GXYLT2: variants seen among roughly 807,000 people sequenced by gnomAD.
GXYLT2 encodes glycosyltransferase 8 domain containing 4.
A neutral mutation model predicts 45.8 loss-of-function variants in GXYLT2; 53 were observed. The observed-to-expected ratio is 1.16, with a 90% CI of 0.93 to 1.46. The LOEUF is 1.46. Among genes scored for constraint, GXYLT2 ranks in the 40% most tolerant of loss-of-function variants. The pLI is 0.00. For synonymous variants in GXYLT2, 219 were observed against 214.2 expected (o/e 1.02, Z -0.19); for missense variants, 551 against 544.4 (o/e 1.01, Z -0.12).
chr3:72,909,687 A>G (rs1407664354), intron 2 of GXYLT2, among the ~76,000 whole-genome samples: 4 of 152,154 alleles, frequency 2.6e-5, no homozygotes. Flanking sequence ...CCAGTACACA[A>G]AAAGAGCTTT....
At chr3:72,888,962 C>T (rs1354322047) in intron 1 of GXYLT2, among the ~76,000 whole-genome samples, 1 of 152,080 alleles carries the variant, frequency 6.6e-6, no homozygotes, top group Non-Finnish European at 1.5e-5. Context: ...CTCGAGTACC[C>T]CCATGCTTAG....
chr3:72,900,642 T>C (rs13093328), intron 1 of GXYLT2, among the ~76,000 whole-genome samples: 43,921 of 151,360 alleles, frequency 0.29, 6,753 homozygotes, highest in Non-Finnish European at 0.34. Context: ...GGTCTCAAAC[T>C]CCTGACCTCA....
intron 2 of GXYLT2, among the ~76,000 whole-genome samples, chr3:72,912,658 G>A (rs1161223501): frequency 6.6e-6 from 1 of 152,204 alleles, no homozygotes; most frequent in East Asian, 1.9e-4. Flanking sequence ...GCCTGCCCCT[G>A]AAAAGAACTG....
chr3:72,947,407 G>A (rs1453185157), intron 3 of GXYLT2, among the ~76,000 whole-genome samples: 1 of 152,150 alleles, frequency 6.6e-6, no homozygotes, highest in African/African-American at 2.4e-5. Flanking sequence ...GCTACGCGGT[G>A]GAGGAACACT....
intron 5 of GXYLT2, among the ~76,000 whole-genome samples, chr3:72,964,701 G>T (rs1474257654): frequency 1.3e-5 from 2 of 152,200 alleles, no homozygotes; most frequent in Non-Finnish European, 1.5e-5. Context: ...CTCCATGAAA[G>T]CAGGGACTGG....
At chr3:72,931,670 G>A (rs1202579557) in intron 3 of GXYLT2, among the ~76,000 whole-genome samples, 1 of 151,978 alleles carries the variant, frequency 6.6e-6, no homozygotes, top group Non-Finnish European at 1.5e-5. Flanking sequence ...ATAAACTTCA[G>A]CAGTACAAAT....
intron 5 of GXYLT2, among the ~76,000 whole-genome samples, chr3:72,961,707 C>T (rs981161844): frequency 1.3e-5 from 2 of 150,732 alleles, no homozygotes; most frequent in Admixed American, 1.3e-4. Flanking sequence ...AGCCCAGCTG[C>T]GACTGAATTC....
chr3:72,943,084 T>C (rs1187876642), intron 3 of GXYLT2, among the ~76,000 whole-genome samples: 1 of 152,144 alleles, frequency 6.6e-6, no homozygotes, highest in East Asian at 1.9e-4. Flanking sequence ...CCAGACACAG[T>C]GGGTGAAAAT....
chr3:72,894,521 A>C (rs1250120848), intron 1 of GXYLT2, among the ~76,000 whole-genome samples: 1 of 152,248 alleles, frequency 6.6e-6, no homozygotes, highest in East Asian at 1.9e-4. Context: ...ATCAGAGACT[A>C]TATGGTAAAT....
intron 3 of GXYLT2, among the ~76,000 whole-genome samples, chr3:72,938,248 G>A (rs1233998018): frequency 6.6e-6 from 1 of 152,172 alleles, no homozygotes; most frequent in Non-Finnish European, 1.5e-5. Context: ...TGGATAGGGG[G>A]ATGGACAATG....
intron 6 of GXYLT2, 75 bp downstream of exon 6, chr3:72,967,794 C>A (rs1710895857): frequency 1.6e-6 from 2 of 1,218,008 alleles, no homozygotes; most frequent in African/African-American, 1.5e-5. Context: ...GTCACCTGTC[C>A]CTTTGAAGGC....
At position 72,888,190 on chromosome 3, in the gene GXYLT2, G is replaced by A. The variant is rs1204494509; in HGVS notation, c.-44G>A. 1 of 983,728 alleles carries A rather than the reference G, an allele frequency of 1.0e-6. No individual in the cohort carries two copies. Among genetic ancestry groups the A allele is most frequent in the Non-Finnish European group, 1.2e-6 (1 of 830,604 alleles). The allele number at this position is 983,728 out of a possible 1,614,324, so 60.9% of individuals were successfully genotyped here. On this transcript the variant is annotated 5_prime_UTR_variant, in exon 1 of 7. Coordinates refer to ENST00000389617, the MANE Select transcript of GXYLT2 (RefSeq NM_001080393.2). ...TCCTGCCGCCGCCGCGATGCGCAGAGGGGCCGAGCCGCCTGGGGGCCGCCG... is the reference window on the plus strand; with the variant it reads ...TCCTGCCGCCGCCGCGATGCGCAGAAGGGCCGAGCCGCCTGGGGGCCGCCG...
chr3:72,937,333 T>C lies in GXYLT2; in HGVS notation c.600+14998T>C, dbSNP rs141482727. 8.6e-3 allele frequency among the ~76,000 whole-genome samples: 1,303 copies of C among 152,366 alleles called. 6 individuals carry two copies. Among genetic ancestry groups the C allele is most frequent in the African/African-American group, 0.03 (1,233 of 41,586 alleles). On this transcript the variant is annotated intron_variant, in intron 3 of 6. Transcript: ENST00000389617. ...CTAGAATTGTGATGAAAATGCGTTT[T>C]TTACTATGAGGTACAGTTGAAAATA...
Position 72,954,814 on chromosome 3 carries a change from T to TAC in GXYLT2, c.601-283_601-282insCA, listed in dbSNP as rs1419047237. Among the ~76,000 whole-genome samples the TAC allele has an allele frequency of 3.3e-5, 5 of 152,252 alleles. No individual in the cohort carries two copies. In the South Asian group the frequency reaches 8.3e-4, roughly 25 times the overall value. ...ATTTGCTGATGTTTTCTTTTTTTTG[T>TAC]AAGTTCAACCCTTATCAAATATAGT... On this transcript the variant is annotated intron_variant, in intron 3 of 6. Transcript: ENST00000389617.
intron 1 of GXYLT2, among the ~76,000 whole-genome samples, chr3:72,906,332 G>A (rs182744290): frequency 6.6e-6 from 1 of 151,978 alleles, no homozygotes; most frequent in Non-Finnish European, 1.5e-5. Flanking sequence ...CGTGCACATG[G>A]CTCGCTACCT....
chr3:72,904,141 A>C (rs558931568), intron 1 of GXYLT2, among the ~76,000 whole-genome samples: 3 of 152,234 alleles, frequency 2.0e-5, no homozygotes, highest in Non-Finnish European at 4.4e-5. Flanking sequence ...AAGTAAAAAT[A>C]AGAACGTTAT....
intron 3 of GXYLT2, among the ~76,000 whole-genome samples, chr3:72,944,240 A>T (rs1393299751): frequency 7.0e-6 from 1 of 143,460 alleles, no homozygotes; most frequent in Non-Finnish European, 1.5e-5. Context: ...GGCACATGTC[A>T]CCACACCTGG....
intron 5 of GXYLT2, among the ~76,000 whole-genome samples, chr3:72,959,366 C>T (rs1180182801): frequency 2.0e-5 from 3 of 151,814 alleles, no homozygotes; most frequent in Non-Finnish European, 4.4e-5. Context: ...GATCCACCTG[C>T]CTCGGCCTCC....
At chr3:72,960,221 C>T (rs1021764937) in intron 5 of GXYLT2, among the ~76,000 whole-genome samples, 8 of 152,180 alleles carry the variant, frequency 5.3e-5, no homozygotes, top group African/African-American at 1.9e-4. Context: ...ACACCCGGCC[C>T]TTTTCTTTAA....
Sources: gnomAD v4.1 joint callset for allele counts (sites outside exome capture counted in the v4.1 genomes callset) on GRCh38, gnomAD v4.1.1 for gene constraint, MANE v1.5 for transcripts, NCBI Gene and HGNC (gene_info 2026-07-23, HGNC 2026-07-21) for gene names.